NRAP: variants seen among roughly 807,000 people sequenced by gnomAD.
NRAP encodes nebulin related anchoring protein, also known as nebulin-related-anchoring protein.
A neutral mutation model predicts 225.9 loss-of-function variants in NRAP; 189 were observed. The ratio of observed to expected loss-of-function variants is 0.84; its 90% CI spans 0.74 to 0.94. The LOEUF (loss-of-function observed/expected upper bound fraction) is 0.94. NRAP is among the 40% of genes least tolerant of loss of function. The pLI, the probability that NRAP is intolerant of heterozygous loss-of-function variation, is 0.00. For missense variants in NRAP, 2,176 were observed against 2,168.7 expected, an observed-to-expected ratio of 1.00 and a Z score of -0.07; for synonymous variants, 769 against 790.7, an observed-to-expected ratio of 0.97 and a Z score of 0.46.
At chr10:113,632,645 A>G (rs1848638708) in intron 16 of NRAP, among the ~76,000 whole-genome samples, 1 of 152,232 alleles carries the variant, frequency 6.6e-6, no homozygotes, top group South Asian at 2.1e-4. Flanking sequence ...ACAGGCATTT[A>G]AACAATGTTA....
In NRAP at chr10:113,615,809, T is replaced by C. The variant is rs764179028; in HGVS notation, c.2981A>G (p.Tyr994Cys). 3 of 1,581,048 alleles carry C rather than the reference T, an allele frequency of 1.9e-6. No homozygotes were observed. Among genetic ancestry groups the C allele is most frequent in the South Asian group, 2.2e-5 (2 of 90,270 alleles). ...CTTTATGTTTTCTCCTTGTTCCCTG[T>C]ATAATCTCTGTGGATGGAAGGAGGT... ...ISYTQAVDRLYREQGENIKHH... is the reference protein window; with the variant it reads ...ISYTQAVDRLCREQGENIKHH... Residue 994 changes from tyrosine (Y) to cysteine (C), a missense_variant, in exon 27 of 42, where the codon TAC becomes TGC. By Grantham distance (194) the Tyr-to-Cys change is radical. Around this residue, in one of 3 missense-constraint regions of NRAP, gnomAD observed 1,708 missense variants for 1,695.5 expected, o/e 1.01. Coordinates refer to ENST00000359988, the MANE Select transcript of NRAP (RefSeq NM_198060.4).
chr10:113,629,543 A>G, intron 19 of NRAP, 45 bp downstream of exon 19: 1 of 1,336,980 alleles, frequency 7.5e-7, no homozygotes, highest in Admixed American at 1.7e-5. Flanking sequence ...AAGCATGTCC[A>G]ACTGCAAGAG....
rs767824359 is a variant in NRAP at position 113,631,538 on chromosome 10, A to G, written c.1813T>C (p.Ser605Pro). ...CTGCTCATCTTAGCAATCTGCAGGGAGTGCAGAAGCCTAGAGTCGGCTGTT... is the reference window on the plus strand; with the variant it reads ...CTGCTCATCTTAGCAATCTGCAGGGGGTGCAGAAGCCTAGAGTCGGCTGTT... ...MGTADSRLLH[S>P]LQIAKMSSEV... The change falls in exon 18 of 42, where the codon TCC becomes CCC. Residue 605 changes from serine (S) to proline (P), a missense_variant. By Grantham distance (74) the Ser-to-Pro change is moderately conservative. Around this residue, in one of 3 missense-constraint regions of NRAP, gnomAD observed 1,708 missense variants for 1,695.5 expected, o/e 1.01. Coordinates refer to ENST00000359988, the MANE Select transcript of NRAP (RefSeq NM_198060.4). 1 of 1,609,868 alleles carries G rather than the reference A, an allele frequency of 6.2e-7. No individual in the cohort carries two copies. Among genetic ancestry groups the G allele is most frequent in the Non-Finnish European group, 8.5e-7 (1 of 1,177,058 alleles).
intron 4 of NRAP, among the ~76,000 whole-genome samples, chr10:113,654,699 G>T (rs1850195668): frequency 6.6e-6 from 1 of 152,130 alleles, no homozygotes; most frequent in Non-Finnish European, 1.5e-5. Flanking sequence ...CCCATATGGG[G>T]CAGGAAGATA....
chr10:113,640,612 A>T, intron 13 of NRAP, among the ~76,000 whole-genome samples: 1 of 150,858 alleles, frequency 6.6e-6, no homozygotes, highest in East Asian at 1.9e-4. Flanking sequence ...GCATTTTCAC[A>T]TGGATAGGCA....
intron 12 of NRAP, among the ~76,000 whole-genome samples, 154 bp from the exon 13 acceptor site, chr10:113,641,626 C>A (rs927868728): frequency 2.0e-5 from 3 of 152,026 alleles, no homozygotes; most frequent in Non-Finnish European, 4.4e-5. Flanking sequence ...ATAAGGCAAA[C>A]TTTTTTTTAA....
chr10:113,595,761 A>C (rs1205196288), intron 37 of NRAP, 34 bp from the exon 38 acceptor site: 1 of 1,440,518 alleles, frequency 6.9e-7, no homozygotes, highest in East Asian at 2.3e-5. Flanking sequence ...TAAATAGAGA[A>C]CTGTGTGGGC....
Position 113,599,858 on chromosome 10 carries a change from T to C in NRAP, c.4228-1785A>G, listed in dbSNP as rs554601704. ...GCTTCCCCAAATGGCAGCCTCACTT[T>C]TTTTCCCCTCTTACATACTAAGGTC... On this transcript the variant is annotated intron_variant, in intron 35 of 41. Coordinates refer to ENST00000359988, the MANE Select transcript of NRAP (RefSeq NM_198060.4). 7.9e-4 allele frequency among the ~76,000 whole-genome samples: 121 copies of C among 152,228 alleles called. 1 individual carries two copies. The South Asian group carries it at 0.01, about 13-fold the overall frequency.
chr10:113,632,873 C>T (rs190548413), intron 16 of NRAP, among the ~76,000 whole-genome samples: 5 of 152,286 alleles, frequency 3.3e-5, no homozygotes, highest in Admixed American at 6.5e-5. Flanking sequence ...TACACATGCT[C>T]ATATAATGGG....
chr10:113,611,212 A>C (rs1847300409), intron 30 of NRAP, among the ~76,000 whole-genome samples: 1 of 152,122 alleles, frequency 6.6e-6, no homozygotes, highest in African/African-American at 2.4e-5. Flanking sequence ...CGGGCCCCCG[A>C]GATGAGCGTG....
intron 3 of NRAP, among the ~76,000 whole-genome samples, chr10:113,660,849 T>C (rs1027310677): frequency 2.0e-5 from 3 of 152,208 alleles, no homozygotes; most frequent in African/African-American, 7.2e-5. Context: ...CACTAATAAA[T>C]ATCCTAAAGT....
At chr10:113,648,417 G>A (rs1034916185) in intron 9 of NRAP, among the ~76,000 whole-genome samples, 4 of 138,772 alleles carry the variant, frequency 2.9e-5, no homozygotes, top group Admixed American at 7.4e-5. Context: ...ATAGTTTTGT[G>A]TTTGTAACTT....
Position 113,617,502 on chromosome 10 carries a change from TGTC to T in NRAP, c.2923_2925del (p.Asp975del). On this transcript the variant is annotated inframe_deletion, in exon 26 of 42. Transcript: ENST00000359988. ...ATTCTGGCCTGGACCATCTCCGGAG[TGTC>T]TTTAATACTGGTAAACTTCAAAGCA... 6.2e-7 allele frequency: 1 copy of T among 1,610,876 alleles called. No homozygotes were observed. The highest frequency in any genetic ancestry group is 8.5e-7 in the Non-Finnish European group (1 of 1,177,218).
Position 113,590,447 on chromosome 10 carries a change from G to GTGT in NRAP, c.4956+128_4956+130dup, listed in dbSNP as rs763594750. 32 of 783,270 alleles carry GTGT rather than the reference G, an allele frequency of 4.1e-5. No individual in the cohort carries two copies. In the South Asian group the frequency reaches 4.3e-4, roughly 10 times the overall value. 48.5% of individuals were successfully genotyped at this position (783,270 alleles called of 1,614,324 possible). ...TATTGTTATTCTTTCTGGCACTAAA[G>GTGT]TGTTAGGTGTCTTGGATTCTCTCTC... On this transcript the variant is annotated intron_variant, in intron 40 of 41. Coordinates refer to ENST00000359988, the MANE Select transcript of NRAP (RefSeq NM_198060.4).
chr10:113,592,395 T>C, intron 38 of NRAP, 94 bp from the exon 39 acceptor site: 1 of 788,872 alleles, frequency 1.3e-6, no homozygotes, highest in Non-Finnish European at 2.1e-6. Context: ...TTAACCTTTG[T>C]TGGTTCCTAG....
chr10:113,622,984 C>T (rs918294671), intron 23 of NRAP, among the ~76,000 whole-genome samples: 3 of 152,236 alleles, frequency 2.0e-5, no homozygotes, highest in African/African-American at 7.2e-5. Context: ...AGCTTCTTCT[C>T]TCACATCCAA....
intron 38 of NRAP, among the ~76,000 whole-genome samples, chr10:113,592,998 G>A (rs1846080301): frequency 6.6e-6 from 1 of 152,072 alleles, no homozygotes; most frequent in African/African-American, 2.4e-5. Context: ...TCCTCAGGTA[G>A]ACCCACATCA....
At chr10:113,623,266 C>A (rs1023745873) in intron 23 of NRAP, among the ~76,000 whole-genome samples, 1 of 152,136 alleles carries the variant, frequency 6.6e-6, no homozygotes, top group African/African-American at 2.4e-5. Flanking sequence ...ATCTGTAAAG[C>A]GAGAAATTTG....
rs557729558 is a variant in NRAP at position 113,630,515 on chromosome 10, A to T, written c.1843-730T>A. On this transcript the variant is annotated intron_variant, in intron 18 of 41. Transcript: ENST00000359988. ...CTGATGGGAGAAGATAGTATGCTATAGTAGAAGGAGTGTGGTGCCAGGTAA... is the reference window on the plus strand; with the variant it reads ...CTGATGGGAGAAGATAGTATGCTATTGTAGAAGGAGTGTGGTGCCAGGTAA... Among the ~76,000 whole-genome samples the T allele has an allele frequency of 3.9e-5, 6 of 152,304 alleles. No individual in the cohort carries two copies. The East Asian group carries it at 9.6e-4, about 24-fold the overall frequency.
Sources: gnomAD v4.1 joint callset for allele counts (sites outside exome capture counted in the v4.1 genomes callset) on GRCh38, gnomAD v4.1.1 for gene constraint, gnomAD v4.1.1 regional missense constraint, MANE v1.5 for transcripts, NCBI Gene and HGNC (gene_info 2026-07-23, HGNC 2026-07-21) for gene names.